Variants in SERPINB7 observed in about 807,000 individuals in gnomAD.
The protein encoded by SERPINB7 is serpin B7.
SERPINB7 carries 31 observed loss-of-function variants against 37.4 expected under a neutral mutation model. The ratio of observed to expected loss-of-function variants is 0.83; its 90% CI spans 0.62 to 1.12. The LOEUF is 1.12. Ranked by LOEUF, SERPINB7 falls within the 50% of genes most tolerant of loss-of-function variation. The pLI is 0.00. For synonymous variants in SERPINB7, 163 were observed against 166.1 expected (o/e 0.98, Z 0.14); for missense variants, 521 against 455.3 (o/e 1.14, Z -1.31).
intron 2 of SERPINB7, among the ~76,000 whole-genome samples, chr18:63,789,228 T>G (rs181659383): frequency 6.6e-6 from 1 of 152,252 alleles, no homozygotes; most frequent in Admixed American, 6.5e-5. Context: ...TGACCCCTCA[T>G]TTTAGGAAAG....
intron 1 of SERPINB7, among the ~76,000 whole-genome samples, chr18:63,768,500 A>G (rs1011663558): frequency 1.3e-5 from 2 of 151,634 alleles, no homozygotes; most frequent in African/African-American, 4.8e-5. Flanking sequence ...AGTCTTACAA[A>G]CTCCACTCAT....
intron 6 of SERPINB7, 146 bp from the exon 7 acceptor site, chr18:63,800,720 A>AC: frequency 1.3e-6 from 1 of 748,654 alleles, no homozygotes; most frequent in Non-Finnish European, 2.1e-6. Flanking sequence ...CACCAATGCA[A>AC]CCACTATTGG....
At chr18:63,754,480 G>A (rs1009199686) in intron 1 of SERPINB7, among the ~76,000 whole-genome samples, 2 of 152,158 alleles carry the variant, frequency 1.3e-5, no homozygotes, top group Non-Finnish European at 2.9e-5. Context: ...ATCATAAGAG[G>A]CATTTAGTAG....
Position 63,754,985 on chromosome 18 carries a change from C to T in SERPINB7, c.-19+1865C>T, listed in dbSNP as rs528541094. On this transcript the variant is annotated intron_variant, in intron 1 of 7. Coordinates refer to the SERPINB7 transcript ENST00000336429. The stretch of plus-strand genomic sequence containing the variant: ...CGCAATCTCGGCTCACTGCAAGCTC[C>T]GCTTCCCGGGTTCACGCCATTCTCC... Among the ~76,000 whole-genome samples the T allele has an allele frequency of 1.8e-4, 27 of 149,086 alleles. No homozygotes were observed. The East Asian group carries it at 2.8e-3, about 16-fold the overall frequency.
At chr18:63,763,263 A>G (rs2049164089) in intron 1 of SERPINB7, among the ~76,000 whole-genome samples, 1 of 152,216 alleles carries the variant, frequency 6.6e-6, no homozygotes, top group Non-Finnish European at 1.5e-5. Context: ...CTTTCCTGCT[A>G]CTATTTTTTT....
At chr18:63,761,472 G>A (rs1490749298) in intron 1 of SERPINB7, among the ~76,000 whole-genome samples, 1 of 152,156 alleles carries the variant, frequency 6.6e-6, no homozygotes, top group Non-Finnish European at 1.5e-5. Context: ...AAGACTTTGG[G>A]GGACTGTTGG....
intron 1 of SERPINB7, among the ~76,000 whole-genome samples, chr18:63,778,351 A>G (rs2049270600): frequency 6.6e-6 from 1 of 152,170 alleles, no homozygotes; most frequent in South Asian, 2.1e-4. Context: ...ATAGCATCGT[A>G]TTTGACTTAT....
At chr18:63,801,147 C>A in intron 7 of SERPINB7, 135 bp downstream of exon 7, 1 of 853,230 alleles carries the variant, frequency 1.2e-6, no homozygotes, top group Non-Finnish European at 1.8e-6. Flanking sequence ...ATTTATTTGA[C>A]AAATATTTAA....
chr18:63,776,950 T>C (rs1468425876), intron 1 of SERPINB7, among the ~76,000 whole-genome samples: 4 of 152,088 alleles, frequency 2.6e-5, no homozygotes, highest in African/African-American at 2.4e-5. Flanking sequence ...CTCTCTCTGA[T>C]AGCATATTCA....
intron 5 of SERPINB7, among the ~76,000 whole-genome samples, chr18:63,797,333 A>G (rs996142784): frequency 1.3e-5 from 2 of 152,138 alleles, no homozygotes; most frequent in African/African-American, 4.8e-5. Context: ...TTTTCTTTTT[A>G]TTCATTCATT....
chr18:63,801,059 G>A (rs2144646269), intron 7 of SERPINB7, 47 bp downstream of exon 7: 2 of 1,581,790 alleles, frequency 1.3e-6, no homozygotes, highest in Non-Finnish European at 8.6e-7. Flanking sequence ...AGACTTTTAG[G>A]ATACTGTTGA....
At chr18:63,784,580 C>T (rs1016907626) in intron 2 of SERPINB7, among the ~76,000 whole-genome samples, 4 of 152,022 alleles carry the variant, frequency 2.6e-5, no homozygotes, top group Non-Finnish European at 5.9e-5. Flanking sequence ...CATAAAAATG[C>T]ATAATGTTTC....
intron 2 of SERPINB7, among the ~76,000 whole-genome samples, chr18:63,787,762 C>T (rs144557466): frequency 6.6e-6 from 1 of 152,082 alleles, no homozygotes; most frequent in African/African-American, 2.4e-5. Flanking sequence ...GGGGAGATTC[C>T]TTTCTCTGCA....
At chr18:63,783,218 G>GAAAGAAAGAA (rs1223366986) in intron 2 of SERPINB7, among the ~76,000 whole-genome samples, 1 of 71,082 alleles carries the variant, frequency 1.4e-5, no homozygotes, top group African/African-American at 5.3e-5. Context: ...GAGAGAGAGA[G>GAAAGAAAGAA]AGAGAGAGAG....
chr18:63,774,062 A>T (rs886160278), upstream of SERPINB7, among the ~76,000 whole-genome samples: 3 of 152,106 alleles, frequency 2.0e-5, no homozygotes, highest in African/African-American at 7.2e-5. Flanking sequence ...TAGAATATGG[A>T]GAACAGGGAA....
At chr18:63,761,740 A>G (rs1024846871) in intron 1 of SERPINB7, among the ~76,000 whole-genome samples, 5 of 151,682 alleles carry the variant, frequency 3.3e-5, no homozygotes, top group South Asian at 2.1e-4. Context: ...CTTCTTCCTC[A>G]TTTTCTCTTG....
intron 2 of SERPINB7, among the ~76,000 whole-genome samples, chr18:63,784,335 C>A (rs1278974198): frequency 6.6e-6 from 1 of 152,154 alleles, no homozygotes; most frequent in African/African-American, 2.4e-5. Context: ...CTCTCATCAA[C>A]AACTACCCGC....
chr18:63,803,715 G>C (rs902521500), intron 7 of SERPINB7, among the ~76,000 whole-genome samples: 3 of 152,124 alleles, frequency 2.0e-5, no homozygotes, highest in African/African-American at 7.2e-5. Context: ...AGACAGTATG[G>C]GTAACTGCAC....
intron 1 of SERPINB7, among the ~76,000 whole-genome samples, chr18:63,779,633 AT>A (rs530112561): frequency 1.1e-4 from 16 of 149,778 alleles, no homozygotes; most frequent in East Asian, 5.9e-4. Context: ...CTCTGTCGTG[AT>A]TTTTTTTTTC....
Sources: allele counts gnomAD v4.1 joint callset (sites outside exome capture counted in the v4.1 genomes callset), GRCh38; gene constraint gnomAD v4.1.1; transcripts MANE v1.5; gene names NCBI Gene and HGNC (gene_info 2026-07-23, HGNC 2026-07-21).